Variants in ZNF208 observed in about 807,000 individuals in gnomAD.
ZNF208 encodes zinc finger protein 95.
ZNF208 carries 10 observed loss-of-function variants against 12.1 expected under a neutral mutation model. That is an observed-to-expected ratio of 0.83 (90% confidence interval 0.51 to 1.40). The LOEUF (loss-of-function observed/expected upper bound fraction) is 1.40, where lower values mean the gene tolerates loss of function less well. Among genes scored for constraint, ZNF208 ranks in the 40% most tolerant of loss-of-function variants. ZNF208 has a pLI of 0.00. For synonymous variants in ZNF208, 497 were observed against 488.4 expected (o/e 1.02, Z -0.23); for missense variants, 1,652 against 1,485.0 (o/e 1.11, Z -1.85).
chr19:21,955,185 C>T (rs1412844737), intron 4 of ZNF208, among the ~76,000 whole-genome samples: 11 of 152,040 alleles, frequency 7.2e-5, no homozygotes, highest in African/African-American at 2.4e-4. Context: ...CTTGTAGTTT[C>T]TGCTGAGATC....
intron 4 of ZNF208, among the ~76,000 whole-genome samples, chr19:21,953,606 A>T (rs1969926767): frequency 6.6e-6 from 1 of 152,188 alleles, no homozygotes; most frequent in African/African-American, 2.4e-5. Flanking sequence ...AGACATGCAA[A>T]TGCTGACAGA....
chr19:21,997,402 C>T (rs1414752841), intron 1 of ZNF208, among the ~76,000 whole-genome samples: 2 of 152,176 alleles, frequency 1.3e-5, no homozygotes, highest in African/African-American at 2.4e-5. Context: ...TGAAGGTAGG[C>T]TTTGACTCTT....
At chr19:21,995,006 C>T (rs556331634) in intron 1 of ZNF208, among the ~76,000 whole-genome samples, 184 of 144,966 alleles carry the variant, frequency 1.3e-3, no homozygotes, top group African/African-American at 4.2e-3. Flanking sequence ...GGCTGTGGTG[C>T]GATGGTGTGA....
intron 3 of ZNF208, among the ~76,000 whole-genome samples, chr19:21,975,706 T>C (rs563423552): frequency 8.0e-5 from 12 of 150,412 alleles, no homozygotes; most frequent in Admixed American, 2.0e-4. Context: ...ATGAGTGAAA[T>C]AGGAACACAA....
At chr19:21,979,375 T>C (rs765640894) in intron 3 of ZNF208, among the ~76,000 whole-genome samples, 2 of 152,194 alleles carry the variant, frequency 1.3e-5, no homozygotes, top group African/African-American at 2.4e-5. Flanking sequence ...TAACAGTGGA[T>C]TTCTCTGCAG....
downstream of ZNF208, among the ~76,000 whole-genome samples, chr19:21,963,728 A>G (rs1970116089): frequency 6.6e-6 from 1 of 152,044 alleles, no homozygotes; most frequent in Non-Finnish European, 1.5e-5. Context: ...GCTGAAAAAA[A>G]TAAGTCTTCT....
downstream of ZNF208, among the ~76,000 whole-genome samples, chr19:21,963,321 T>G (rs10417635): frequency 0.16 from 24,713 of 152,088 alleles, 2,192 homozygotes; most frequent in Admixed American, 0.22. Flanking sequence ...TCCTGGAATA[T>G]TGAAATTTTT....
chr19:21,963,176 C>A (rs549963279), downstream of ZNF208, among the ~76,000 whole-genome samples: 73 of 152,006 alleles, frequency 4.8e-4, no homozygotes, highest in Admixed American at 1.4e-3. Flanking sequence ...TACTCCTGTG[C>A]CAAAAACTGT....
chr19:21,977,424 G>A (rs1296383913), intron 3 of ZNF208, among the ~76,000 whole-genome samples: 1 of 152,198 alleles, frequency 6.6e-6, no homozygotes, highest in Non-Finnish European at 1.5e-5. Flanking sequence ...GGCTCCCTGA[G>A]GGCAAGCCAA....
chr19:21,955,281 T>G (rs1188307674), intron 4 of ZNF208, among the ~76,000 whole-genome samples: 2 of 152,210 alleles, frequency 1.3e-5, no homozygotes, highest in Non-Finnish European at 2.9e-5. Context: ...CATTTCAACT[T>G]TGATGAATCT....
rs922186830 is a variant in ZNF208 at position 21,996,997 on chromosome 19, TAG to T, written c.4-8090_4-8089del. ...GAAGCCTGAGTGGAAAAGGCCCATCTAGAGTAAAGCTTAGTTGGCACCTTATG... is the reference window on the plus strand; with the variant it reads ...GAAGCCTGAGTGGAAAAGGCCCATCTAGTAAAGCTTAGTTGGCACCTTATG... On this transcript the variant is annotated intron_variant, in intron 1 of 3. Coordinates refer to ENST00000397126, the MANE Select transcript of ZNF208 (RefSeq NM_007153.3). Among the ~76,000 whole-genome samples, 21 of 152,340 alleles carry T rather than the reference TAG, an allele frequency of 1.4e-4. 1 individual carries two copies. Among genetic ancestry groups the T allele is most frequent in the African/African-American group, 4.6e-4 (19 of 41,580 alleles).
At chr19:21,955,869 T>C (rs1348070140) in intron 4 of ZNF208, among the ~76,000 whole-genome samples, 1 of 152,246 alleles carries the variant, frequency 6.6e-6, no homozygotes, top group Non-Finnish European at 1.5e-5. Flanking sequence ...GCTTTGTTTC[T>C]TTGCTGGTGA....
chr19:21,976,414 GAAAC>G (rs2145555012), intron 3 of ZNF208, among the ~76,000 whole-genome samples: 2 of 152,106 alleles, frequency 1.3e-5, no homozygotes, highest in South Asian at 4.1e-4. Context: ...AAATCAGACA[GAAAC>G]AAAGGAAGAC....
chr19:21,961,849 G>T (rs137936433), downstream of ZNF208, among the ~76,000 whole-genome samples: 1 of 152,140 alleles, frequency 6.6e-6, no homozygotes, highest in East Asian at 1.9e-4. Context: ...GTCTTCATTC[G>T]TTCCCTAAAA....
At chr19:21,962,600 T>C (rs1460104481), downstream of ZNF208, among the ~76,000 whole-genome samples, 1 of 152,128 alleles carries the variant, frequency 6.6e-6, no homozygotes, top group African/African-American at 2.4e-5. Context: ...AAAAAAGAGA[T>C]GCAAAGAAGA....
intron 4 of ZNF208, among the ~76,000 whole-genome samples, chr19:21,958,693 A>T (rs1970016421): frequency 1.3e-5 from 2 of 151,990 alleles, no homozygotes; most frequent in African/African-American, 4.8e-5. Flanking sequence ...GCATAAACAC[A>T]TGTTTCTTCT....
intron 4 of ZNF208, among the ~76,000 whole-genome samples, chr19:21,952,573 GC>G (rs1969906866): frequency 6.6e-6 from 1 of 152,188 alleles, no homozygotes; most frequent in African/African-American, 2.4e-5. Context: ...CAAACCTGAA[GC>G]TGAGAGACCT....
At chr19:21,987,469 G>A (rs1007090925) in intron 2 of ZNF208, among the ~76,000 whole-genome samples, 158 bp from the exon 3 acceptor site, 6 of 152,176 alleles carry the variant, frequency 3.9e-5, no homozygotes, top group African/African-American at 1.2e-4. Flanking sequence ...TGGGGTGCCT[G>A]TATAAGCTGG....
intron 4 of ZNF208, among the ~76,000 whole-genome samples, chr19:21,959,225 G>A (rs543428862): frequency 6.6e-6 from 1 of 152,198 alleles, no homozygotes; most frequent in East Asian, 1.9e-4. Context: ...ATACTAATAA[G>A]TGATGAATAC....
Sources: allele counts gnomAD v4.1 joint callset (sites outside exome capture counted in the v4.1 genomes callset), GRCh38; gene constraint gnomAD v4.1.1; transcripts MANE v1.5; gene names NCBI Gene and HGNC (gene_info 2026-07-23, HGNC 2026-07-21).